Variants in DNAH10 observed in about 807,000 individuals in gnomAD.
DNAH10 encodes the protein axonemal beta dynein heavy chain 10.
Under a neutral mutation model 506.6 loss-of-function variants are expected in DNAH10, and 348 were observed. That is an observed-to-expected ratio of 0.69 (90% confidence interval 0.63 to 0.75). DNAH10 has a LOEUF of 0.75. DNAH10 is among the 30% of genes least tolerant of loss of function. DNAH10 has a pLI of 0.00. For synonymous variants in DNAH10, 2,059 were observed against 2,198.6 expected, an observed-to-expected ratio of 0.94 and a Z score of 1.78; for missense variants, 5,179 against 5,787.1, an observed-to-expected ratio of 0.89 and a Z score of 3.41.
intron 18 of DNAH10, among the ~76,000 whole-genome samples, chr12:123,805,583 G>A (rs760885715): frequency 2.0e-5 from 3 of 152,118 alleles, no homozygotes; most frequent in Non-Finnish European, 4.4e-5. Context: ...ACTGTTCTGG[G>A]GTGTGAGGCT....
rs756703853 is a variant in DNAH10 at position 123,928,539 on chromosome 12, G to A, written c.12258G>A (p.Thr4086=). 9.3e-6 allele frequency: 15 copies of A among 1,610,494 alleles called. No individual in the cohort carries two copies. The highest frequency in any genetic ancestry group is 1.1e-5 in the South Asian group (1 of 90,264). Residue 4086 remains threonine, a synonymous_variant, in exon 70 of 79, where the codon ACG becomes ACA. Coordinates refer to ENST00000673944, the MANE Select transcript of DNAH10 (RefSeq NM_001372106.1). The surrounding 1 kb of genome is among the most constrained non-coding windows in gnomAD (Gnocchi z 4.9). ...CAGACTTCCGCCTGTGGCTCACCAC[G>A]GACCCCACCAAGGGCTTCCCCATTG... is the stretch of plus-strand genomic sequence containing the variant. ...PHPDFRLWLT[T]DPTKGFPIGI...
chr12:123,858,628 T>C (rs76098650), intron 37 of DNAH10, among the ~76,000 whole-genome samples: 4,431 of 152,256 alleles, frequency 0.029, 137 homozygotes, highest in African/African-American at 0.078. Flanking sequence ...GAATTGTTCA[T>C]GAATGTCCGG....
intron 5 of DNAH10, among the ~76,000 whole-genome samples, chr12:123,778,904 AT>A (rs34114020): frequency 0.72 from 104,189 of 143,842 alleles, 37,955 homozygotes; most frequent in East Asian, 0.99. Flanking sequence ...AGACTGTCTC[AT>A]TTTTTTTTTT....
intron 39 of DNAH10, among the ~76,000 whole-genome samples, chr12:123,863,534 A>C (rs1951688310): frequency 6.6e-6 from 1 of 152,230 alleles, no homozygotes; most frequent in South Asian, 2.1e-4. Context: ...CTCTAGGGCA[A>C]ATCCTCACCT....
chr12:123,890,789 T>C (rs576826824), intron 52 of DNAH10, among the ~76,000 whole-genome samples: 1 of 152,146 alleles, frequency 6.6e-6, no homozygotes, highest in South Asian at 2.1e-4. Context: ...CAACGGGACT[T>C]CGATCGATTT....
intron 28 of DNAH10, among the ~76,000 whole-genome samples, chr12:123,836,136 T>G (rs1329440425): frequency 6.6e-6 from 1 of 152,200 alleles, no homozygotes; most frequent in Non-Finnish European, 1.5e-5. Context: ...GGGACCACTT[T>G]AACATGTCAA....
chr12:123,823,249 C>T (rs1018084829), intron 24 of DNAH10, among the ~76,000 whole-genome samples: 1 of 152,224 alleles, frequency 6.6e-6, no homozygotes, highest in Admixed American at 6.5e-5. Context: ...CATAACCTTT[C>T]ATCCAGACTG....
At chr12:123,806,023 G>A (rs1341830668) in intron 18 of DNAH10, among the ~76,000 whole-genome samples, 1 of 152,134 alleles carries the variant, frequency 6.6e-6, no homozygotes, top group Admixed American at 6.5e-5. Flanking sequence ...TGATCCGCCC[G>A]CGTTGGCCTC....
In DNAH10 at chr12:123,762,905, G is replaced by A. The variant is rs1420098433; in HGVS notation, c.214+355G>A. The stretch of plus-strand genomic sequence containing the variant: ...ATTTTACAGATGAGCAAACTGGCAC[G>A]GAGGGGGTTAAGTAACCTGCCCAAG... On this transcript the variant is annotated intron_variant, in intron 1 of 78. Coordinates refer to ENST00000673944, the MANE Select transcript of DNAH10 (RefSeq NM_001372106.1). This position sits in a 1 kb window ranked among gnomAD's most constrained non-coding sequence, Gnocchi z 5.0. Among the ~76,000 whole-genome samples, 1 of 152,174 alleles carries A rather than the reference G, an allele frequency of 6.6e-6. No individual in the cohort carries two copies. Among genetic ancestry groups the A allele is most frequent in the Non-Finnish European group, 1.5e-5 (1 of 68,040 alleles).
At position 123,853,964 on chromosome 12, in the gene DNAH10, TA is replaced by T. The variant is rs796673588; in HGVS notation, c.6438+622del. Among the ~76,000 whole-genome samples, 2,507 of 142,958 alleles carry T rather than the reference TA, an allele frequency of 0.018. 68 individuals carry two copies. The highest frequency in any genetic ancestry group is 0.06 in the African/African-American group (2,339 of 38,932). 93.8% of individuals were successfully genotyped at this position (142,958 alleles called of 152,430 possible). On this transcript the variant is annotated intron_variant, in intron 36 of 78. Transcript: ENST00000673944. This position sits in a 1 kb window ranked among gnomAD's most constrained non-coding sequence, Gnocchi z 4.7. ...CGCACACACACACACATTTGGGTAG[TA>T]AAAAAAAAACAGCCGTGAGTGCAGT...
intron 35 of DNAH10, 110 bp downstream of exon 35, chr12:123,851,186 C>T: frequency 3.3e-6 from 4 of 1,204,664 alleles, no homozygotes; most frequent in Non-Finnish European, 4.5e-6. Context: ...CAGACGGGAC[C>T]TAGGATGTGT....
At chr12:123,812,450 C>CA (rs1016524359) in intron 19 of DNAH10, among the ~76,000 whole-genome samples, 4 of 151,528 alleles carry the variant, frequency 2.6e-5, no homozygotes, top group Non-Finnish European at 2.9e-5. Flanking sequence ...AACTCCGTCT[C>CA]AAAAAAAACA....
intron 21 of DNAH10, chr12:123,814,201 C>T (rs1959057472): frequency 4.4e-6 from 1 of 228,848 alleles, no homozygotes; most frequent in Non-Finnish European, 8.3e-6. Context: ...ATAAAGAGCT[C>T]TTGCAAAAAT....
At chr12:123,841,016 C>T (rs544620778) in intron 29 of DNAH10, among the ~76,000 whole-genome samples, 27 of 152,334 alleles carry the variant, frequency 1.8e-4, no homozygotes, top group African/African-American at 5.5e-4. Flanking sequence ...GCCTCCTCCA[C>T]GTTCCACTGG....
intron 55 of DNAH10, among the ~76,000 whole-genome samples, 197 bp downstream of exon 55, chr12:123,898,164 T>C (rs989814847): frequency 6.6e-6 from 1 of 152,232 alleles, no homozygotes; most frequent in Non-Finnish European, 1.5e-5. Flanking sequence ...TTCTCAGTGT[T>C]GAGTCTTAGA....
At position 123,925,406 on chromosome 12, in the gene DNAH10, C is replaced by A; in HGVS notation, c.11921+202C>A. 3.3e-6 allele frequency: 2 copies of A among 609,116 alleles called. No individual in the cohort carries two copies. Among genetic ancestry groups the A allele is most frequent in the Non-Finnish European group, 5.1e-6 (2 of 393,204 alleles). The allele number at this position is 609,116 out of a possible 1,614,324, so 37.7% of individuals were successfully genotyped here. A position where few individuals can be genotyped will look rare whatever the true frequency, so the allele number is the denominator to read the frequency against. On this transcript the variant is annotated intron_variant, in intron 68 of 78. Transcript: ENST00000673944. This position sits in a 1 kb window ranked among gnomAD's most constrained non-coding sequence, Gnocchi z 4.0. ...TAGTCATAAGAAATTCAGTGTGAGCCACATATGCAGTTTCGAAAGTTCTAG... is the reference window on the plus strand; with the variant it reads ...TAGTCATAAGAAATTCAGTGTGAGCAACATATGCAGTTTCGAAAGTTCTAG...
rs770239948 is a variant in DNAH10, at chr12:123,918,720, C to G, written c.11277C>G (p.Ile3759Met). 7 of 1,592,184 alleles carry G rather than the reference C, an allele frequency of 4.4e-6. No individual in the cohort carries two copies. In the Admixed American group the frequency reaches 1.2e-4, roughly 27 times the overall value. ...TGGCGGAGAAGACAGCCTTGGACAT[C>G]GACAGGCTGCGGGATGGCTACCGGC... ...LKLAEKTALD[I>M]DRLRDGYRPA... Residue 3759 changes from isoleucine to methionine, a missense_variant, in exon 65 of 79, where the codon ATC (isoleucine) becomes ATG (methionine). Coordinates refer to ENST00000673944, the MANE Select transcript of DNAH10 (RefSeq NM_001372106.1).
At position 123,925,200 on chromosome 12, in the gene DNAH10, G is replaced by T; in HGVS notation, c.11917G>T (p.Glu3973Ter). The change falls in exon 68 of 79, where the codon GAG becomes TAG. Residue 3973 changes from glutamate (E) to a stop codon, truncating the protein, a stop_gained. Transcript: ENST00000673944. LOFTEE classifies it high-confidence loss of function. This position sits in a 1 kb window ranked among gnomAD's most constrained non-coding sequence, Gnocchi z 4.0. ...VTDYVTVTMG[E>*]KYVQPPMISF... ...TGACTATGTGACTGTAACAATGGGA[G>T]AGAAGTAAGTGTGTCGTTTTGTTGA... The T allele has an allele frequency of 2.5e-6, 4 of 1,614,034 alleles. No individual in the cohort carries two copies. Among genetic ancestry groups the T allele is most frequent in the Non-Finnish European group, 3.4e-6 (4 of 1,179,878 alleles).
rs1165516495 is a variant in DNAH10 at position 123,898,786 on chromosome 12, G to A, written c.9612G>A (p.Leu3204=). 6.2e-7 allele frequency: 1 copy of A among 1,611,602 alleles called. No individual in the cohort carries two copies. The highest frequency in any genetic ancestry group is 1.3e-5 in the African/African-American group (1 of 74,966). Residue 3204 remains leucine (L), a synonymous_variant, in exon 56 of 79, where the codon CTG becomes CTA. Transcript: ENST00000673944. ...AEKSAACEAL[L]EEIAVNTAVA... The stretch of plus-strand genomic sequence containing the variant: ...AGTCCGCCGCCTGCGAGGCCTTGCT[G>A]GAGGAGATCGCCGTCAACACCGCTG...
Sources: allele counts gnomAD v4.1 joint callset (sites outside exome capture counted in the v4.1 genomes callset), GRCh38; gene constraint gnomAD v4.1.1; non-coding constraint Gnocchi (gnomAD v3.1); transcripts MANE v1.5; gene names NCBI Gene and HGNC (gene_info 2026-07-23, HGNC 2026-07-21).